CCDC175: variants seen among roughly 807,000 people sequenced by gnomAD.
The protein encoded by CCDC175 is coiled-coil domain containing 175.
A neutral mutation model predicts 114.6 loss-of-function variants in CCDC175; 100 were observed. The observed-to-expected ratio is 0.87, with a 90% confidence interval of 0.74 to 1.03. CCDC175 has a LOEUF of 1.03. CCDC175 is among the 50% of genes least tolerant of loss of function. The probability of loss-of-function intolerance (pLI) is 0.00; values close to 1 mark genes in which losing one functional copy is unlikely to be tolerated. For missense variants in CCDC175, 880 were observed against 917.8 expected (o/e 0.96, Z 0.53); for synonymous variants, 306 against 308.7 (o/e 0.99, Z 0.09).
chr14:59,525,381 G>GC lies in CCDC175; in HGVS notation c.1895_1896insG (p.Asn632LysfsTer6). On this transcript the variant is annotated frameshift_variant, in exon 16 of 20. Transcript: ENST00000537690. LOFTEE classifies it high-confidence loss of function. ...TCTTTAGAGTTTCAAAATGATCTTT[G>GC]TTTTTTTTGCTTTCTTGATCTCGTA... 6.6e-7 allele frequency: 1 copy of GC among 1,512,414 alleles called. No homozygotes were observed. Among genetic ancestry groups the GC allele is most frequent in the South Asian group, 1.2e-5 (1 of 80,286 alleles). 93.7% of individuals were successfully genotyped at this position (1,512,414 alleles called of 1,614,324 possible). A position where few individuals can be genotyped will look rare whatever the true frequency, so the allele number is the denominator to read the frequency against.
At chr14:59,540,525 C>T (rs542524613) in intron 11 of CCDC175, 150 bp downstream of exon 11, 2 of 885,432 alleles carry the variant, frequency 2.3e-6, no homozygotes, top group East Asian at 5.5e-5. Flanking sequence ...ACCAATACAT[C>T]TAGATCCGAG....
rs570344611 is a variant in CCDC175 at position 59,513,558 on chromosome 14, C to T, written c.2099-1755G>A. Among the ~76,000 whole-genome samples the T allele has an allele frequency of 2.6e-4, 39 of 152,292 alleles. 1 individual carries two copies. Among genetic ancestry groups the T allele is most frequent in the Middle Eastern group, 3.4e-3 (1 of 294 alleles). ...TTGGAGGGTCCTATGCCCACGGAGC[C>T]TCACTCATTGCTAGCACAGCAGTCT... is the stretch of plus-strand genomic sequence containing the variant. On this transcript the variant is annotated intron_variant, in intron 17 of 19. Coordinates refer to ENST00000537690, the MANE Select transcript of CCDC175 (RefSeq NM_001164399.2).
chr14:59,569,830 A>G (rs974336699), intron 3 of CCDC175, among the ~76,000 whole-genome samples: 16 of 152,362 alleles, frequency 1.1e-4, no homozygotes, highest in African/African-American at 3.1e-4. Context: ...TAATTAGAGT[A>G]TTAGGGAATG....
intron 11 of CCDC175, among the ~76,000 whole-genome samples, chr14:59,539,145 G>A (rs945383869): frequency 1.3e-5 from 2 of 152,152 alleles, no homozygotes; most frequent in Non-Finnish European, 2.9e-5. Context: ...TGGGGCAAGT[G>A]GAAAATGAGG....
chr14:59,570,418 C>T (rs1462257525), intron 3 of CCDC175, among the ~76,000 whole-genome samples: 1 of 152,064 alleles, frequency 6.6e-6, no homozygotes, highest in African/African-American at 2.4e-5. Context: ...CAATAAATGG[C>T]TAACTGGAAA....
intron 2 of CCDC175, among the ~76,000 whole-genome samples, chr14:59,573,898 A>G (rs1896968982): frequency 6.6e-6 from 1 of 152,188 alleles, no homozygotes; most frequent in Admixed American, 6.5e-5. Flanking sequence ...TACAGGCGTG[A>G]GCCACCATAC....
At position 59,511,639 on chromosome 14, in the gene CCDC175, T is replaced by C. The variant is rs1170575049; in HGVS notation, c.2142+121A>G. ...GGGAGTGAGAGAGCTAGTGTGAATTTCCACCCTGATGCGTGCATGCAGGTG... is the reference window on the plus strand; with the variant it reads ...GGGAGTGAGAGAGCTAGTGTGAATTCCCACCCTGATGCGTGCATGCAGGTG... On this transcript the variant is annotated intron_variant, in intron 18 of 19. Transcript: ENST00000537690. The C allele has an allele frequency of 1.1e-5, 6 of 555,992 alleles. No individual in the cohort carries two copies. The Admixed American group carries it at 1.8e-4, about 17-fold the overall frequency. The allele number at this position is 555,992 out of a possible 1,614,324, so 34.4% of individuals were successfully genotyped here. A position where few individuals can be genotyped will look rare whatever the true frequency, so the allele number is the denominator to read the frequency against.
At chr14:59,524,036 C>G (rs1193889604) in intron 16 of CCDC175, among the ~76,000 whole-genome samples, 2 of 151,812 alleles carry the variant, frequency 1.3e-5, no homozygotes, top group Non-Finnish European at 2.9e-5. Context: ...CTGTGAGTAG[C>G]AGTTATTCCC....
intron 13 of CCDC175, among the ~76,000 whole-genome samples, chr14:59,535,774 G>T (rs1268078830): frequency 1.3e-5 from 2 of 152,248 alleles, no homozygotes; most frequent in African/African-American, 4.8e-5. Flanking sequence ...CTATAAGGGT[G>T]TGCCTGATGC....
In CCDC175 at chr14:59,572,800, T is replaced by C; in HGVS notation, c.257A>G (p.Lys86Arg). 1 of 1,500,718 alleles carries C rather than the reference T, an allele frequency of 6.7e-7. No homozygotes were observed. Among genetic ancestry groups the C allele is most frequent in the Non-Finnish European group, 8.8e-7 (1 of 1,135,490 alleles). 93.0% of individuals were successfully genotyped at this position (1,500,718 alleles called of 1,614,324 possible). Residue 86 changes from lysine to arginine, a missense_variant, in exon 3 of 20, where the codon AAA becomes AGA. Physicochemically the swap from Lys to Arg is conservative, Grantham distance 26. Coordinates refer to ENST00000537690, the MANE Select transcript of CCDC175 (RefSeq NM_001164399.2). Reference protein sequence around the residue: ...VAVKKLEEMRKATIDLLEIES... With the variant: ...VAVKKLEEMRRATIDLLEIES... ...AATCTCCAAAAGATCGATTGTGGCT[T>C]TTCTCATTTCTTCCTGAAAATTTAA...
chr14:59,543,251 T>C, intron 10 of CCDC175, 93 bp downstream of exon 10: 1 of 500,628 alleles, frequency 2.0e-6, no homozygotes, highest in Non-Finnish European at 3.4e-6. Context: ...TTCTGTAGTA[T>C]GTTAGAAATC....
rs1892265703 is a variant in CCDC175, at chr14:59,505,237, A to AGTTACTTT, written c.2376_*1dup. 1.4e-6 allele frequency: 2 copies of AGTTACTTT among 1,456,442 alleles called. No homozygotes were observed. The highest frequency in any genetic ancestry group is 5.0e-5 in the East Asian group (2 of 40,228). The allele number at this position is 1,456,442 out of a possible 1,614,324, so 90.2% of individuals were successfully genotyped here. On this transcript the variant is annotated 3_prime_UTR_variant, in exon 20 of 20. Coordinates refer to ENST00000537690, the MANE Select transcript of CCDC175 (RefSeq NM_001164399.2). ...TGAATTCACAGCAGTTGTATCCTTG[A>AGTTACTTT]GTTACTTTGTTAATGTATTTTTCTC...
intron 16 of CCDC175, among the ~76,000 whole-genome samples, chr14:59,524,169 G>T (rs1893603309): frequency 6.6e-6 from 1 of 151,988 alleles, no homozygotes; most frequent in Non-Finnish European, 1.5e-5. Context: ...GTAAATTTTT[G>T]TTGTTACTGT....
chr14:59,534,079 C>T (rs1490844024), intron 13 of CCDC175, among the ~76,000 whole-genome samples: 1 of 151,702 alleles, frequency 6.6e-6, no homozygotes, highest in Non-Finnish European at 1.5e-5. Context: ...TTTGTATGTG[C>T]ATGCATTAAT....
intron 8 of CCDC175, among the ~76,000 whole-genome samples, chr14:59,550,188 C>G (rs943585688): frequency 6.6e-6 from 1 of 152,086 alleles, no homozygotes; most frequent in Non-Finnish European, 1.5e-5. Context: ...GAATTACAGG[C>G]GTGAGCCACC....
chr14:59,525,490 G>T lies in CCDC175; in HGVS notation c.1843-56C>A. ...TGAGTTCAAACAGTAGGGCACGAGG[G>T]TATTATACTGCCTAGGTCACATTTG... is the stretch of plus-strand genomic sequence containing the variant. On this transcript the variant is annotated intron_variant, in intron 15 of 19. Transcript: ENST00000537690. The T allele has an allele frequency of 3.2e-6, 4 of 1,232,982 alleles. No homozygotes were observed. The South Asian group carries it at 4.3e-5, about 13-fold the overall frequency. The allele number at this position is 1,232,982 out of a possible 1,614,324, so 76.4% of individuals were successfully genotyped here. A position where few individuals can be genotyped will look rare whatever the true frequency, so the allele number is the denominator to read the frequency against.
intron 10 of CCDC175, among the ~76,000 whole-genome samples, chr14:59,542,236 G>A (rs746301278): frequency 2.0e-5 from 3 of 152,068 alleles, no homozygotes; most frequent in Admixed American, 1.3e-4. Flanking sequence ...TTTCATGCCC[G>A]ACTGTTTTAT....
At chr14:59,523,898 A>G (rs896341273) in intron 16 of CCDC175, among the ~76,000 whole-genome samples, 3 of 152,104 alleles carry the variant, frequency 2.0e-5, no homozygotes, top group Non-Finnish European at 4.4e-5. Flanking sequence ...CTGAGGCAGG[A>G]GAATGGCGTG....
At chr14:59,538,245 G>GCCTCCTGCAA in intron 12 of CCDC175, 91 bp from the exon 13 acceptor site, 2 of 1,076,252 alleles carry the variant, frequency 1.9e-6, no homozygotes, top group Non-Finnish European at 2.6e-6. Context: ...CTCTTTGCAG[G>GCCTCCTGCAA]AGGCCTGCTT....
Sources: gnomAD v4.1 joint callset for allele counts (sites outside exome capture counted in the v4.1 genomes callset) on GRCh38, gnomAD v4.1.1 for gene constraint, MANE v1.5 for transcripts, NCBI Gene and HGNC (gene_info 2026-07-23, HGNC 2026-07-21) for gene names.